Variants in TMEM154 observed in about 807,000 individuals in gnomAD.
TMEM154 encodes the protein transmembrane protein 154.
TMEM154 carries 27 observed loss-of-function variants against 24.5 expected under a neutral mutation model. The observed-to-expected ratio is 1.10, with a 90% CI of 0.81 to 1.52. The LOEUF (loss-of-function observed/expected upper bound fraction) is 1.52, where lower values mean the gene tolerates loss of function less well. Ranked by LOEUF, TMEM154 falls within the 40% of genes most tolerant of loss-of-function variation. The pLI, the probability that TMEM154 is intolerant of heterozygous loss-of-function variation, is 0.00. For missense variants in TMEM154, 228 were observed against 213.4 expected, an observed-to-expected ratio of 1.07 and a Z score of -0.43; for synonymous variants, 67 against 76.8, an observed-to-expected ratio of 0.87 and a Z score of 0.67.
At chr4:152,635,399 A>G (rs1579510699) in intron 6 of TMEM154, among the ~76,000 whole-genome samples, 1 of 152,214 alleles carries the variant, frequency 6.6e-6, no homozygotes, top group East Asian at 1.9e-4. Flanking sequence ...TCAGCTACGA[A>G]CCTGCCATGT....
chr4:152,640,788 C>G (rs189581914), intron 6 of TMEM154, 140 bp downstream of exon 6: 6 of 688,404 alleles, frequency 8.7e-6, no homozygotes, highest in Non-Finnish European at 1.2e-5. Flanking sequence ...CTTCTCCACA[C>G]TATGCACATA....
intron 1 of TMEM154, among the ~76,000 whole-genome samples, chr4:152,679,290 T>C (rs1309175269): frequency 6.6e-6 from 1 of 150,692 alleles, no homozygotes; most frequent in African/African-American, 2.4e-5. Flanking sequence ...GCAATAAAAG[T>C]AGATGAAAGA....
rs369243672 is a variant in TMEM154, at chr4:152,640,893, A to G, written c.536+35T>C. 1,632 of 694,346 alleles carry G rather than the reference A, an allele frequency of 2.4e-3. 4 individuals carry two copies. Among genetic ancestry groups the G allele is most frequent in the Middle Eastern group, 7.7e-3 (30 of 3,882 alleles). The allele number at this position is 694,346 out of a possible 1,614,324, so 43.0% of individuals were successfully genotyped here. A position where few individuals can be genotyped will look rare whatever the true frequency, so the allele number is the denominator to read the frequency against. On this transcript the variant is annotated intron_variant, in intron 6 of 6. Coordinates refer to ENST00000304385, the MANE Select transcript of TMEM154 (RefSeq NM_152680.3). ...GTTCCCAATCCCCCCGCCCCCCGCC[A>G]TATACATGTAATCTGTGGTAGAAAT...
rs112861894 is a variant in TMEM154 at position 152,647,330 on chromosome 4, G to GAAA, written c.365-2891_365-2889dup. The GAAA allele has an allele frequency of 3.0e-6, 3 of 984,714 alleles. No homozygotes were observed. The African/African-American group carries it at 5.3e-5, about 17-fold the overall frequency. The allele number at this position is 984,714 out of a possible 1,614,324, so 61.0% of individuals were successfully genotyped here. A position where few individuals can be genotyped will look rare whatever the true frequency, so the allele number is the denominator to read the frequency against. ...CTTCCATGATAGTTGTATTTTACCTGAAAAAAAATCAAATTTTGCTCATGT... is the reference window on the plus strand; with the variant it reads ...CTTCCATGATAGTTGTATTTTACCTGAAAAAAAAAAATCAAATTTTGCTCATGT... On this transcript the variant is annotated intron_variant, in intron 3 of 6. Coordinates refer to ENST00000304385, the MANE Select transcript of TMEM154 (RefSeq NM_152680.3).
At chr4:152,647,001 A>G (rs1561049361) in intron 3 of TMEM154, 2 of 716,096 alleles carry the variant, frequency 2.8e-6, no homozygotes, top group Non-Finnish European at 5.0e-6. Context: ...GTCTAGGAAG[A>G]ATGAGAGCAG....
chr4:152,658,636 A>T (rs1243435499), intron 1 of TMEM154, among the ~76,000 whole-genome samples: 2 of 151,984 alleles, frequency 1.3e-5, no homozygotes, highest in African/African-American at 4.8e-5. Flanking sequence ...AAAATACAAA[A>T]TTTTTAGCTT....
In TMEM154 at chr4:152,622,650, AT is replaced by A. The variant is rs1751860928; in HGVS notation, c.*5895del. ...ATGTACTTATTTTATTTAAAAAAAA[AT>A]GGAGTTGAGAATAATTTATATATAC... On this transcript the variant is annotated 3_prime_UTR_variant, in exon 7 of 7. Coordinates refer to ENST00000304385, the MANE Select transcript of TMEM154 (RefSeq NM_152680.3). 4 of 152,282 alleles carry A rather than the reference AT, an allele frequency of 2.6e-5. No homozygotes were observed. The highest frequency in any genetic ancestry group is 2.6e-4 in the Admixed American group (4 of 15,296). The allele number at this position is 152,282 out of a possible 1,614,324, so 9.4% of individuals were successfully genotyped here.
At chr4:152,629,261 T>C (rs1260318129) in intron 6 of TMEM154, among the ~76,000 whole-genome samples, 1 of 152,232 alleles carries the variant, frequency 6.6e-6, no homozygotes, top group East Asian at 1.9e-4. Flanking sequence ...AAACAAATTT[T>C]CCACATGCCG....
intron 1 of TMEM154, among the ~76,000 whole-genome samples, chr4:152,667,512 G>C (rs551523514): frequency 6.6e-6 from 1 of 152,254 alleles, no homozygotes; most frequent in South Asian, 2.1e-4. Flanking sequence ...AGCAGGACTC[G>C]AGAAGAGGAG....
intron 6 of TMEM154, among the ~76,000 whole-genome samples, chr4:152,632,535 G>GTT (rs1335253285): frequency 1.3e-5 from 2 of 152,176 alleles, no homozygotes; most frequent in African/African-American, 4.8e-5. Flanking sequence ...AGATGACTGG[G>GTT]TTGAATTTAA....
At chr4:152,650,206 C>T (rs1271287115) in intron 3 of TMEM154, among the ~76,000 whole-genome samples, 1 of 152,170 alleles carries the variant, frequency 6.6e-6, no homozygotes, top group Non-Finnish European at 1.5e-5. Context: ...GCATACAATG[C>T]TTTGTTTGAT....
chr4:152,647,727 T>C (rs1728288260), intron 3 of TMEM154, among the ~76,000 whole-genome samples: 2 of 152,160 alleles, frequency 1.3e-5, no homozygotes, highest in South Asian at 4.1e-4. Flanking sequence ...AGGCGTTGAG[T>C]TAGGTAAAGG....
Position 152,625,586 on chromosome 4 carries a change from A to AG in TMEM154, c.*2959dup. 6.6e-6 allele frequency: 1 copy of AG among 151,978 alleles called. No individual in the cohort carries two copies. Among genetic ancestry groups the AG allele is most frequent in the East Asian group, 1.9e-4 (1 of 5,164 alleles). The allele number at this position is 151,978 out of a possible 1,614,324, so 9.4% of individuals were successfully genotyped here. A position where few individuals can be genotyped will look rare whatever the true frequency, so the allele number is the denominator to read the frequency against. On this transcript the variant is annotated 3_prime_UTR_variant, in exon 7 of 7. Transcript: ENST00000304385. ...GTAATCTCAGTTGCTTGGGAGGCTG[A>AG]GGCAAGAGAATTGCTTGAACCTGGG...
At chr4:152,639,094 G>A (rs916901670) in intron 6 of TMEM154, among the ~76,000 whole-genome samples, 2 of 152,082 alleles carry the variant, frequency 1.3e-5, no homozygotes, top group Non-Finnish European at 2.9e-5. Flanking sequence ...GGGATTACAG[G>A]TGCCCGCCAC....
rs1045093550 is a variant in TMEM154, at chr4:152,627,756, A to C, written c.*790T>G. ...TACTTCCTACCTACATGTCACATCC[A>C]AGGGAGGTATGGTGAAACAAGTGTG... On this transcript the variant is annotated 3_prime_UTR_variant, in exon 7 of 7. Transcript: ENST00000304385. The C allele has an allele frequency of 6.6e-6, 1 of 152,230 alleles. No homozygotes were observed. Among genetic ancestry groups the C allele is most frequent in the Non-Finnish European group, 1.5e-5 (1 of 68,044 alleles). The allele number at this position is 152,230 out of a possible 1,614,324, so 9.4% of individuals were successfully genotyped here.
At chr4:152,632,249 T>C (rs1752059671) in intron 6 of TMEM154, among the ~76,000 whole-genome samples, 1 of 152,192 alleles carries the variant, frequency 6.6e-6, no homozygotes, top group Non-Finnish European at 1.5e-5. Flanking sequence ...CTGGAGTATA[T>C]TTTAGTATAA....
At chr4:152,634,228 C>T (rs1752105997) in intron 6 of TMEM154, among the ~76,000 whole-genome samples, 1 of 152,138 alleles carries the variant, frequency 6.6e-6, no homozygotes, top group Non-Finnish European at 1.5e-5. Flanking sequence ...TTCATAATTG[C>T]CCCTTTGTTG....
chr4:152,659,000 C>A (rs558369337), intron 1 of TMEM154, among the ~76,000 whole-genome samples: 23 of 152,258 alleles, frequency 1.5e-4, no homozygotes, highest in African/African-American at 5.5e-4. Flanking sequence ...AATCCTCAAT[C>A]TCACTACTGG....
intron 1 of TMEM154, among the ~76,000 whole-genome samples, chr4:152,657,605 G>T (rs1193434857): frequency 6.6e-6 from 1 of 152,200 alleles, no homozygotes; most frequent in African/African-American, 2.4e-5. Flanking sequence ...GATACAGGAA[G>T]CTCAGAATTC....
Sources: gnomAD v4.1 joint callset for allele counts (sites outside exome capture counted in the v4.1 genomes callset) on GRCh38, gnomAD v4.1.1 for gene constraint, MANE v1.5 for transcripts, NCBI Gene and HGNC (gene_info 2026-07-23, HGNC 2026-07-21) for gene names.